Variants in CCDC158 observed in about 807,000 individuals in gnomAD.
The protein encoded by CCDC158 is coiled-coil domain containing 158.
In CCDC158, 116 loss-of-function variants were observed where a neutral mutation model predicts 138.6. That is an observed-to-expected ratio of 0.84 (90% CI 0.72 to 0.98). The LOEUF (loss-of-function observed/expected upper bound fraction) is 0.98. Among genes scored for constraint, CCDC158 ranks in the 50% least tolerant of loss-of-function variants. CCDC158 has a pLI of 0.00. For synonymous variants in CCDC158, 436 were observed against 442.4 expected, an observed-to-expected ratio of 0.99 and a Z score of 0.18; for missense variants, 1,265 against 1,306.1, an observed-to-expected ratio of 0.97 and a Z score of 0.48.
intron 1 of CCDC158, among the ~76,000 whole-genome samples, chr4:76,417,079 C>G (rs906813590): frequency 6.6e-6 from 1 of 152,052 alleles, no homozygotes; most frequent in East Asian, 1.9e-4. Context: ...GGGGTTGGAG[C>G]TGCCCAAGAC....
intron 18 of CCDC158, 94 bp from the exon 19 acceptor site, chr4:76,334,261 G>A: frequency 5.6e-6 from 7 of 1,239,150 alleles, no homozygotes; most frequent in South Asian, 3.4e-5. Context: ...CAGAAATTAT[G>A]GAAAAGCAAG....
At position 76,412,124 on chromosome 4, in the gene CCDC158, T is replaced by C. The variant is rs1729341837; in HGVS notation, c.-108A>G. 6.6e-6 allele frequency: 1 copy of C among 152,214 alleles called. No homozygotes were observed. Among genetic ancestry groups the C allele is most frequent in the South Asian group, 2.1e-4 (1 of 4,836 alleles). 9.4% of individuals were successfully genotyped at this position (152,214 alleles called of 1,614,324 possible). A position where few individuals can be genotyped will look rare whatever the true frequency, so the allele number is the denominator to read the frequency against. On this transcript the variant is annotated 5_prime_UTR_variant, in exon 2 of 25. The change creates a new upstream start codon in the 5' untranslated region. Transcript: ENST00000682701. ...TGGATATTCTTATTTTCACTTATTCTATTAATATCTGAAAAAACAAAATAT... is the reference window on the plus strand; with the variant it reads ...TGGATATTCTTATTTTCACTTATTCCATTAATATCTGAAAAAACAAAATAT...
chr4:76,328,768 G>C, intron 22 of CCDC158, 132 bp downstream of exon 22: 1 of 693,402 alleles, frequency 1.4e-6, no homozygotes. Flanking sequence ...ATGCATGAAA[G>C]AGGGAGTAGC....
At position 76,329,083 on chromosome 4, in the gene CCDC158, A is replaced by G; in HGVS notation, c.2943-116T>C. ...TGATGGTTTAAAATATAACCTCAAG[A>G]TGGCAATCATAACCCTAAAGTCCTA... On this transcript the variant is annotated intron_variant, in intron 21 of 24. Transcript: ENST00000682701. The G allele has an allele frequency of 2.6e-5, 20 of 782,784 alleles. No individual in the cohort carries two copies. The South Asian group carries it at 3.1e-4, about 12-fold the overall frequency. 48.5% of individuals were successfully genotyped at this position (782,784 alleles called of 1,614,324 possible). A position where few individuals can be genotyped will look rare whatever the true frequency, so the allele number is the denominator to read the frequency against.
At chr4:76,369,888 A>G (rs1172487447) in intron 10 of CCDC158, among the ~76,000 whole-genome samples, 1 of 152,230 alleles carries the variant, frequency 6.6e-6, no homozygotes, top group Admixed American at 6.5e-5. Flanking sequence ...GTAGATTTTA[A>G]AAGTCATCCT....
chr4:76,386,324 A>G (rs1284667939), intron 4 of CCDC158, among the ~76,000 whole-genome samples: 5 of 152,240 alleles, frequency 3.3e-5, no homozygotes, highest in African/African-American at 1.2e-4. Context: ...GGCAGGGAAC[A>G]TAAGGCTGAT....
At chr4:76,344,834 T>C in intron 18 of CCDC158, 3 of 1,596,938 alleles carry the variant, frequency 1.9e-6, no homozygotes, top group South Asian at 1.1e-5. Context: ...CGGGAGAGGG[T>C]GAAGGGTCTA....
intron 14 of CCDC158, chr4:76,356,858 ATC>A: frequency 6.6e-6 from 1 of 152,328 alleles, no homozygotes; most frequent in Non-Finnish European, 1.5e-5. Flanking sequence ...TAACCTCTTT[ATC>A]TCTCTGCATT....
chr4:76,381,493 C>T (rs1162694014), intron 8 of CCDC158, among the ~76,000 whole-genome samples: 6 of 152,156 alleles, frequency 3.9e-5, no homozygotes, highest in African/African-American at 1.4e-4. Flanking sequence ...GCCTATTTTT[C>T]CCATTTGGAA....
At position 76,317,553 on chromosome 4, in the gene CCDC158, T is replaced by C. The variant is rs569051041; in HGVS notation, c.3278-4307A>G. 3.3e-5 allele frequency among the ~76,000 whole-genome samples: 5 copies of C among 152,300 alleles called. No homozygotes were observed. The South Asian group carries it at 6.2e-4, about 19-fold the overall frequency. Reference sequence around the variant, plus strand: ...ATAGTGGAGGACTTCAATATTCCACTGATACCACTAGACAGGTCATCAAGA... The same window carrying C: ...ATAGTGGAGGACTTCAATATTCCACCGATACCACTAGACAGGTCATCAAGA... On this transcript the variant is annotated intron_variant, in intron 24 of 24. Transcript: ENST00000682701.
chr4:76,383,410 T>C (rs1446626064), intron 7 of CCDC158, among the ~76,000 whole-genome samples: 13 of 152,118 alleles, frequency 8.5e-5, no homozygotes, highest in Admixed American at 5.2e-4. Flanking sequence ...TGGCCTTGTA[T>C]TGGGAGCTGA....
chr4:76,346,043 T>C lies in CCDC158; in HGVS notation c.2664+4953A>G, dbSNP rs147715149. Among the ~76,000 whole-genome samples, 434 of 152,164 alleles carry C rather than the reference T, an allele frequency of 2.9e-3. 2 individuals carry two copies. Among genetic ancestry groups the C allele is most frequent in the Non-Finnish European group, 4.8e-3 (323 of 67,996 alleles). On this transcript the variant is annotated intron_variant, in intron 18 of 24. Coordinates refer to ENST00000682701, the MANE Select transcript of CCDC158 (RefSeq NM_001394954.1). Reference sequence around the variant, plus strand: ...CATGGTACTGGTACCAAAACAGATATATAGACCACTGGAACAGAACAGAGG... The same window carrying C: ...CATGGTACTGGTACCAAAACAGATACATAGACCACTGGAACAGAACAGAGG...
chr4:76,405,232 T>C (rs1341154869), intron 2 of CCDC158, among the ~76,000 whole-genome samples: 1 of 151,776 alleles, frequency 6.6e-6, no homozygotes, highest in East Asian at 1.9e-4. Context: ...AAGGCAAGAG[T>C]GTAGTAGTAC....
chr4:76,396,699 A>G (rs1727845430), intron 3 of CCDC158, among the ~76,000 whole-genome samples: 1 of 151,786 alleles, frequency 6.6e-6, no homozygotes, highest in South Asian at 2.1e-4. Context: ...TTTAGTAGAA[A>G]CGGGGTTTCA....
At chr4:76,366,013 A>G (rs1343904037) in intron 12 of CCDC158, among the ~76,000 whole-genome samples, 1 of 152,196 alleles carries the variant, frequency 6.6e-6, no homozygotes, top group Non-Finnish European at 1.5e-5. Flanking sequence ...TGCCTCCCTC[A>G]TAAGGTTTTG....
rs1428168008 is a variant in CCDC158, at chr4:76,369,450, C to T, written c.1323G>A (p.Glu441=). 7 of 1,614,164 alleles carry T rather than the reference C, an allele frequency of 4.3e-6. No homozygotes were observed. The East Asian group carries it at 1.1e-4, about 26-fold the overall frequency. ...LEALLKALKS[E]CQGQMERQMA... is the part of the protein sequence containing the mutation. ...CCTGCCGCTCCATCTGGCCCTGACA[C>T]TCGCTCTTCAAGGCCTTGAGCAGGG... The change falls in exon 11 of 25, where the codon GAG becomes GAA. Residue 441 remains glutamate (E), a synonymous_variant. Coordinates refer to ENST00000682701, the MANE Select transcript of CCDC158 (RefSeq NM_001394954.1).
intron 13 of CCDC158, among the ~76,000 whole-genome samples, chr4:76,359,635 T>C (rs553028418): frequency 6.6e-6 from 1 of 152,312 alleles, no homozygotes; most frequent in South Asian, 2.1e-4. Flanking sequence ...AACTTTGAAC[T>C]TGAGAGAGAT....
At chr4:76,327,543 G>T (rs1211783078) in intron 22 of CCDC158, among the ~76,000 whole-genome samples, 2 of 152,132 alleles carry the variant, frequency 1.3e-5, no homozygotes, top group African/African-American at 4.8e-5. Flanking sequence ...ATAATGGTAA[G>T]TATTTATTTA....
intron 9 of CCDC158, among the ~76,000 whole-genome samples, chr4:76,376,217 C>G (rs1725705655): frequency 6.6e-6 from 1 of 152,096 alleles, no homozygotes; most frequent in African/African-American, 2.4e-5. Context: ...CCATGCCCAG[C>G]TAACTTTTTA....
Sources: gnomAD v4.1 joint callset for allele counts (sites outside exome capture counted in the v4.1 genomes callset) on GRCh38, gnomAD v4.1.1 for gene constraint, MANE v1.5 for transcripts, NCBI Gene and HGNC (gene_info 2026-07-23, HGNC 2026-07-21) for gene names.